The following HDX variants were observed in gnomAD, a reference collection of about 807,000 sequenced individuals.
HDX encodes the protein highly divergent homeobox, also known as chromosome X open reading frame 43.
Under a neutral mutation model 45.2 loss-of-function variants are expected in HDX, and 19 were observed. The ratio of observed to expected loss-of-function variants is 0.42; its 90% CI spans 0.29 to 0.62. HDX has a LOEUF of 0.62. Ranked by LOEUF, HDX falls within the 20% of genes least tolerant of loss-of-function variation. The probability of loss-of-function intolerance (pLI) is 0.20; values close to 1 mark genes in which losing one functional copy is unlikely to be tolerated. For missense variants in HDX, 532 were observed against 493.9 expected, an observed-to-expected ratio of 1.08 and a Z score of -0.73; for synonymous variants, 188 against 172.8, an observed-to-expected ratio of 1.09 and a Z score of -0.69.
intron 6 of HDX, among the ~76,000 whole-genome samples, chrX:84,345,716 C>A (rs893822199): frequency 1.8e-5 from 2 of 111,399 alleles, no homozygotes; most frequent in African/African-American, 6.5e-5. Flanking sequence ...AAATTGTTTT[C>A]CAGAGAAACT....
At chrX:84,363,046 TG>T (rs2037661000) in intron 5 of HDX, among the ~76,000 whole-genome samples, 2 of 111,913 alleles carry the variant, frequency 1.8e-5, no homozygotes, top group East Asian at 5.6e-4. Flanking sequence ...TTTGTGTGTG[TG>T]TGCGAATAAA....
At chrX:84,362,669 T>C (rs1038548633) in intron 5 of HDX, among the ~76,000 whole-genome samples, 2 of 110,951 alleles carry the variant, frequency 1.8e-5, no homozygotes, top group Non-Finnish European at 3.8e-5. Flanking sequence ...TGCGTTCTTC[T>C]GCCTAAGATG....
At chrX:84,448,777 T>C (rs2039931561) in intron 4 of HDX, among the ~76,000 whole-genome samples, 1 of 110,985 alleles carries the variant, frequency 9.0e-6, no homozygotes, top group Non-Finnish European at 1.9e-5. Flanking sequence ...ACAATATTTA[T>C]TCAGCAACAG....
At chrX:84,359,558 T>C (rs2037569184) in intron 6 of HDX, among the ~76,000 whole-genome samples, 1 of 112,057 alleles carries the variant, frequency 8.9e-6, no homozygotes, top group Non-Finnish European at 1.9e-5. Context: ...TTCCATGTTG[T>C]ATATGTATCA....
At chrX:84,428,396 T>G (rs1190209478) in intron 5 of HDX, among the ~76,000 whole-genome samples, 1 of 111,068 alleles carries the variant, frequency 9.0e-6, no homozygotes, top group African/African-American at 3.2e-5. Context: ...CCCAATAATA[T>G]CTCTCATGTT....
At chrX:84,377,884 C>T (rs752173331) in intron 5 of HDX, among the ~76,000 whole-genome samples, 1 of 111,062 alleles carries the variant, frequency 9.0e-6, no homozygotes, top group South Asian at 3.8e-4. Flanking sequence ...AGAATGATAT[C>T]AATATCCAAG....
intron 1 of HDX, among the ~76,000 whole-genome samples, chrX:84,498,281 C>T (rs2041049933): frequency 9.0e-6 from 1 of 111,633 alleles, no homozygotes; most frequent in Admixed American, 9.5e-5. Flanking sequence ...GGCAATTTTG[C>T]CACTAGTTGG....
intron 5 of HDX, among the ~76,000 whole-genome samples, chrX:84,367,916 G>A (rs2037800166): frequency 1.8e-5 from 2 of 111,595 alleles, no homozygotes; most frequent in Admixed American, 1.9e-4. Context: ...GGGTTGATGG[G>A]TGCAGCAAAC....
rs2036532405 is a variant in HDX at position 84,317,995 on chromosome X, A to G, written c.*3894T>C. 3 of 111,228 alleles carry G rather than the reference A, an allele frequency of 2.7e-5. No homozygotes were observed. Among genetic ancestry groups the G allele is most frequent in the African/African-American group, 9.8e-5 (3 of 30,749 alleles). The allele number at this position is 111,228 out of a possible 1,213,427, so 9.2% of individuals were successfully genotyped here. A position where few individuals can be genotyped will look rare whatever the true frequency, so the allele number is the denominator to read the frequency against. On this transcript the variant is annotated 3_prime_UTR_variant, in exon 11 of 11. Coordinates refer to ENST00000373177, the MANE Select transcript of HDX (RefSeq NM_001177479.2). ...TATATTTCAGAGGTAGTACTAGTAA[A>G]ATGGGATGCAGGATTGCTAAAATGA...
intron 5 of HDX, among the ~76,000 whole-genome samples, chrX:84,409,534 T>C (rs1395248699): frequency 9.2e-6 from 1 of 108,213 alleles, no homozygotes; most frequent in Non-Finnish European, 1.9e-5. Flanking sequence ...CATGGAATAC[T>C]ATGCAGCCAT....
At chrX:84,421,925 A>G (rs925039994) in intron 5 of HDX, among the ~76,000 whole-genome samples, 1 of 110,923 alleles carries the variant, frequency 9.0e-6, no homozygotes, top group Non-Finnish European at 1.9e-5. Context: ...TATTACAGCT[A>G]AAGAGAGAGA....
chrX:84,496,777 A>G (rs2041009144), intron 1 of HDX, among the ~76,000 whole-genome samples: 1 of 112,018 alleles, frequency 8.9e-6, no homozygotes, highest in African/African-American at 3.2e-5. Flanking sequence ...ATGAGGAGTC[A>G]GGACTGAGCA....
At chrX:84,492,982 G>A (rs893507969) in intron 1 of HDX, among the ~76,000 whole-genome samples, 3 of 105,877 alleles carry the variant, frequency 2.8e-5, no homozygotes, top group Non-Finnish European at 5.8e-5. Context: ...GCGCGATTTC[G>A]GCTCACTGCA....
intron 5 of HDX, among the ~76,000 whole-genome samples, chrX:84,427,509 A>G: frequency 9.0e-6 from 1 of 111,004 alleles, no homozygotes; most frequent in African/African-American, 3.3e-5. Context: ...GATTATGATT[A>G]CTAGTTTGCA....
At chrX:84,452,664 G>T (rs957651813) in intron 4 of HDX, among the ~76,000 whole-genome samples, 2 of 111,114 alleles carry the variant, frequency 1.8e-5, no homozygotes, top group East Asian at 5.7e-4. Flanking sequence ...AGAAAACCCA[G>T]AAATAAATCC....
At chrX:84,501,748 T>C (rs2041122320) in intron 1 of HDX, among the ~76,000 whole-genome samples, 2 of 111,805 alleles carry the variant, frequency 1.8e-5, no homozygotes, top group African/African-American at 6.5e-5. Context: ...AACTGGTGCT[T>C]GAAACATCAC....
chrX:84,484,845 T>C (rs1383621153), intron 2 of HDX, among the ~76,000 whole-genome samples: 1 of 111,901 alleles, frequency 8.9e-6, no homozygotes, highest in Non-Finnish European at 1.9e-5. Flanking sequence ...TTTACTTTTC[T>C]TTTCCTAGTT....
At chrX:84,322,868 G>A (rs1343861910) in intron 10 of HDX, among the ~76,000 whole-genome samples, 1 of 111,030 alleles carries the variant, frequency 9.0e-6, no homozygotes, top group Non-Finnish European at 1.9e-5. Flanking sequence ...GAATAATGTA[G>A]CATATCTGGC....
chrX:84,401,947 A>T (rs1181776138), intron 5 of HDX, among the ~76,000 whole-genome samples: 1 of 112,095 alleles, frequency 8.9e-6, no homozygotes, highest in Non-Finnish European at 1.9e-5. Context: ...ACAGGAACAG[A>T]AAACCAAACA....
Sources: allele counts gnomAD v4.1 joint callset (sites outside exome capture counted in the v4.1 genomes callset), GRCh38; gene constraint gnomAD v4.1.1; transcripts MANE v1.5; gene names NCBI Gene and HGNC (gene_info 2026-07-23, HGNC 2026-07-21).